The following DNAJA3 variants were observed in gnomAD, a reference collection of about 807,000 sequenced individuals.
The protein encoded by DNAJA3 is dnaJ homolog subfamily A member 3, mitochondrial.
In DNAJA3, 29 loss-of-function variants were observed where a neutral mutation model predicts 54.9. The observed-to-expected ratio is 0.53, with a 90% CI of 0.39 to 0.72. The LOEUF (loss-of-function observed/expected upper bound fraction) is 0.72, where lower values mean the gene tolerates loss of function less well. DNAJA3 is among the 30% of genes least tolerant of loss of function. The pLI is 0.00. For missense variants in DNAJA3, 708 were observed against 639.4 expected (o/e 1.11, Z -1.16); for synonymous variants, 302 against 251.4 (o/e 1.20, Z -1.90).
At chr16:4,454,131 C>A (rs568922759) in intron 10 of DNAJA3, among the ~76,000 whole-genome samples, 1 of 152,190 alleles carries the variant, frequency 6.6e-6, no homozygotes, top group Non-Finnish European at 1.5e-5. Flanking sequence ...GGGAGATAGA[C>A]TGCTGATGTG....
chr16:4,446,274 C>A (rs1043759658), intron 7 of DNAJA3, among the ~76,000 whole-genome samples: 19 of 127,630 alleles, frequency 1.5e-4, no homozygotes, highest in Non-Finnish European at 3.1e-4. Flanking sequence ...GGTGGAGTCT[C>A]GCTCTGTTGC....
At chr16:4,429,424 A>C (rs1459595892) in intron 1 of DNAJA3, among the ~76,000 whole-genome samples, 1 of 149,352 alleles carries the variant, frequency 6.7e-6, no homozygotes, top group Non-Finnish European at 1.5e-5. Context: ...GGATTTCACC[A>C]TATTGGCCAG....
chr16:4,454,841 G>C lies in DNAJA3; in HGVS notation c.1370G>C (p.Ser457Thr), dbSNP rs767656906. The change falls in exon 11 of 12, where the codon AGC becomes ACC. Residue 457 changes from serine (S) to threonine (T), a missense_variant. Ser to Thr is a moderately conservative substitution (Grantham distance 58). Coordinates refer to ENST00000262375, the MANE Select transcript of DNAJA3 (RefSeq NM_005147.6). ...AGCACCATGGATAGCTCCGCAGGAA[G>C]CAAGGCTAGGCGTGAGGCTGGGGAG... ...GGSTMDSSAGSKARREAGEDE... is the reference protein window; with the variant it reads ...GGSTMDSSAGTKARREAGEDE... The C allele has an allele frequency of 6.2e-7, 1 of 1,614,072 alleles. No individual in the cohort carries two copies.
intron 2 of DNAJA3, among the ~76,000 whole-genome samples, chr16:4,436,555 A>G (rs1477529315): frequency 1.3e-5 from 2 of 152,084 alleles, no homozygotes; most frequent in Non-Finnish European, 2.9e-5. Context: ...TTCTTTTTTC[A>G]GACAGAGTCT....
intron 3 of DNAJA3, among the ~76,000 whole-genome samples, chr16:4,439,783 C>A (rs1024497095): frequency 6.6e-6 from 1 of 152,164 alleles, no homozygotes; most frequent in African/African-American, 2.4e-5. Context: ...CCTCCTCTGC[C>A]AGCCTTCCTC....
At chr16:4,450,283 C>A (rs759254609) in intron 9 of DNAJA3, 117 bp from the exon 10 acceptor site, 2 of 744,306 alleles carry the variant, frequency 2.7e-6, no homozygotes, top group African/African-American at 1.7e-5. Flanking sequence ...AGGGTGTCCG[C>A]CCCTGCCAAG....
At chr16:4,449,251 C>T (rs1301088242) in intron 9 of DNAJA3, among the ~76,000 whole-genome samples, 1 of 152,244 alleles carries the variant, frequency 6.6e-6, no homozygotes, top group East Asian at 1.9e-4. Flanking sequence ...CCACCTTGGC[C>T]TCCCAAAGTG....
At position 4,448,780 on chromosome 16, in the gene DNAJA3, A is replaced by C. The variant is rs754903303; in HGVS notation, c.1173A>C (p.Lys391Asn). 1 of 1,614,150 alleles carries C rather than the reference A, an allele frequency of 6.2e-7. No individual in the cohort carries two copies. Among genetic ancestry groups the C allele is most frequent in the East Asian group, 2.2e-5 (1 of 44,894 alleles). The change falls in exon 9 of 12, where the codon AAA (lysine) becomes AAC (asparagine). Residue 391 changes from lysine to asparagine, a missense_variant. Transcript: ENST00000262375. ...QTDQKIRMGG[K>N]GIPRINSYGY... ...ACCAGAAGATTCGGATGGGTGGGAAAGGCATCCCCCGGATTAACAGCTACG... is the reference window on the plus strand; with the variant it reads ...ACCAGAAGATTCGGATGGGTGGGAACGGCATCCCCCGGATTAACAGCTACG...
At chr16:4,441,915 A>C (rs905844398) in intron 4 of DNAJA3, among the ~76,000 whole-genome samples, 2 of 152,148 alleles carry the variant, frequency 1.3e-5, no homozygotes, top group African/African-American at 4.8e-5. Flanking sequence ...TTATGTCCTT[A>C]TAAGACACTG....
At chr16:4,426,901 C>T (rs1290910894) in intron 1 of DNAJA3, 2 of 151,896 alleles carry the variant, frequency 1.3e-5, no homozygotes, top group Non-Finnish European at 2.9e-5. Flanking sequence ...AGTGCTTAGT[C>T]ATGTTTTCTT....
chr16:4,437,971 A>G (rs545735011), intron 3 of DNAJA3, among the ~76,000 whole-genome samples: 2 of 147,878 alleles, frequency 1.4e-5, no homozygotes, highest in Non-Finnish European at 3.0e-5. Flanking sequence ...ATAAAAAATT[A>G]AAAAAAAAAC....
intron 1 of DNAJA3, among the ~76,000 whole-genome samples, chr16:4,429,566 G>T (rs948707159): frequency 2.6e-5 from 4 of 152,172 alleles, no homozygotes; most frequent in Non-Finnish European, 5.9e-5. Context: ...CGGACATGGT[G>T]GCTCACGCCT....
intron 4 of DNAJA3, 76 bp downstream of exon 4, chr16:4,441,651 G>A (rs2056838538): frequency 6.7e-7 from 1 of 1,486,890 alleles, no homozygotes; most frequent in South Asian, 1.2e-5. Flanking sequence ...ATCAGTTTCT[G>A]TTTCTCAGAA....
At chr16:4,452,462 T>C (rs1182371413) in intron 10 of DNAJA3, among the ~76,000 whole-genome samples, 2 of 152,180 alleles carry the variant, frequency 1.3e-5, no homozygotes, top group East Asian at 3.9e-4. Context: ...CTCTCTCTGA[T>C]ACTGTAAGTT....
intron 3 of DNAJA3, chr16:4,441,111 CACAA>C: frequency 3.7e-6 from 2 of 534,622 alleles, no homozygotes; most frequent in African/African-American, 1.9e-5. Flanking sequence ...CGAGGATCAA[CACAA>C]ACATTTTCCC....
intron 2 of DNAJA3, among the ~76,000 whole-genome samples, chr16:4,436,011 G>C (rs1030429055): frequency 1.3e-5 from 2 of 152,242 alleles, no homozygotes; most frequent in South Asian, 4.1e-4. Flanking sequence ...TTTTAATTAC[G>C]ACCCTAGTGA....
intron 1 of DNAJA3, chr16:4,434,027 A>C (rs1042809171): frequency 3.6e-4 from 98 of 275,708 alleles, no homozygotes; most frequent in African/African-American, 2.2e-3. Flanking sequence ...ACGGCTGGGG[A>C]GGCCTCAGCG....
intron 9 of DNAJA3, 166 bp from the exon 10 acceptor site, chr16:4,450,234 G>C: frequency 5.3e-6 from 3 of 561,888 alleles, no homozygotes; most frequent in Admixed American, 6.3e-5. Context: ...CAGAAGCTTT[G>C]AGGGCATGGT....
intron 1 of DNAJA3, among the ~76,000 whole-genome samples, chr16:4,432,851 CAAA>C (rs1171288596): frequency 6.6e-6 from 1 of 151,474 alleles, no homozygotes; most frequent in East Asian, 2.0e-4. Flanking sequence ...AACAAAGAAA[CAAA>C]AAGCCTGCCG....
Sources: gnomAD v4.1 joint callset for allele counts (sites outside exome capture counted in the v4.1 genomes callset) on GRCh38, gnomAD v4.1.1 for gene constraint, MANE v1.5 for transcripts, NCBI Gene and HGNC (gene_info 2026-07-23, HGNC 2026-07-21) for gene names.